CPNE4: variants seen among roughly 807,000 people sequenced by gnomAD.
The protein encoded by CPNE4 is copine 4, also known as copine-4.
Under a neutral mutation model 67.9 loss-of-function variants are expected in CPNE4, and 25 were observed. The observed-to-expected ratio is 0.37, with a 90% CI of 0.27 to 0.51. CPNE4 has a LOEUF of 0.51. Among genes scored for constraint, CPNE4 ranks in the 20% least tolerant of loss-of-function variants. The pLI is 0.93. For missense variants in CPNE4, 464 were observed against 690.8 expected (o/e 0.67, Z 3.68); for synonymous variants, 242 against 244.9 (o/e 0.99, Z 0.11).
Position 131,544,503 on chromosome 3 carries a change from C to G in CPNE4, c.1303-1710G>C, listed in dbSNP as rs147874765. 8.1e-3 allele frequency among the ~76,000 whole-genome samples: 1,226 copies of G among 152,284 alleles called. 16 individuals carry two copies. The highest frequency in any genetic ancestry group is 0.027 in the African/African-American group (1,138 of 41,552). ...CATTAACTAACCACTCACCCCTAGT[C>G]CTAGCTGAATTCCCAGTTTGGTTTT... On this transcript the variant is annotated intron_variant, in intron 14 of 15. Coordinates refer to ENST00000429747, the MANE Select transcript of CPNE4 (RefSeq NM_130808.3).
intron 2 of CPNE4, among the ~76,000 whole-genome samples, chr3:131,885,112 G>T (rs754453105): frequency 1.5e-4 from 23 of 152,208 alleles, no homozygotes; most frequent in Non-Finnish European, 2.6e-4. Flanking sequence ...ACTTTCTAGA[G>T]ACTTGTTGAA....
At chr3:132,031,065 T>TTC (rs548758816) in intron 1 of CPNE4, among the ~76,000 whole-genome samples, 197 of 152,314 alleles carry the variant, frequency 1.3e-3, no homozygotes, top group Non-Finnish European at 2.3e-3. Flanking sequence ...GAAAATATTA[T>TTC]AAGATTTTGG....
intron 2 of CPNE4, among the ~76,000 whole-genome samples, chr3:131,830,950 G>A (rs1019007107): frequency 6.6e-6 from 1 of 152,086 alleles, no homozygotes; most frequent in African/African-American, 2.4e-5. Flanking sequence ...GTTAACTTCA[G>A]TATGGAAACT....
chr3:131,599,184 T>C (rs933770170), intron 7 of CPNE4, among the ~76,000 whole-genome samples: 1 of 152,220 alleles, frequency 6.6e-6, no homozygotes, highest in Non-Finnish European at 1.5e-5. Flanking sequence ...AGTGACAACA[T>C]TTGACACAAA....
intron 2 of CPNE4, among the ~76,000 whole-genome samples, chr3:131,741,738 G>A (rs2082362022): frequency 6.6e-6 from 1 of 152,104 alleles, no homozygotes; most frequent in African/African-American, 2.4e-5. Flanking sequence ...AACAGTTGAG[G>A]CTCTTCTCTC....
chr3:132,024,970 G>C (rs1431663679), intron 1 of CPNE4, among the ~76,000 whole-genome samples: 2 of 152,082 alleles, frequency 1.3e-5, no homozygotes, highest in Non-Finnish European at 2.9e-5. Flanking sequence ...CAAACTAGTA[G>C]CATCAGTATC....
At chr3:131,766,712 G>A (rs144160641) in intron 2 of CPNE4, among the ~76,000 whole-genome samples, 212 of 152,094 alleles carry the variant, frequency 1.4e-3, no homozygotes, top group Middle Eastern at 0.014. Context: ...GGATACAGCC[G>A]TACAAAATGC....
At chr3:131,834,573 T>C (rs2085487511) in intron 2 of CPNE4, among the ~76,000 whole-genome samples, 1 of 151,894 alleles carries the variant, frequency 6.6e-6, no homozygotes, top group Admixed American at 6.6e-5. Flanking sequence ...CAATAACTAT[T>C]TGGAGAGAAA....
At position 132,001,913 on chromosome 3, in the gene CPNE4, T is replaced by C. The variant is rs185912313; in HGVS notation, c.-2+32654A>G. On this transcript the variant is annotated intron_variant, in intron 1 of 15. Coordinates refer to ENST00000429747, the MANE Select transcript of CPNE4 (RefSeq NM_130808.3). ...AACCAATATACAACAAAATTTCTTTTCCAACTTCCCTAGATCAGCTGCTGT... is the reference window on the plus strand; with the variant it reads ...AACCAATATACAACAAAATTTCTTTCCCAACTTCCCTAGATCAGCTGCTGT... 3.3e-5 allele frequency among the ~76,000 whole-genome samples: 5 copies of C among 152,260 alleles called. No homozygotes were observed. In the East Asian group the frequency reaches 9.6e-4, roughly 29 times the overall value.
At chr3:131,978,886 T>C (rs1315570704) in intron 1 of CPNE4, among the ~76,000 whole-genome samples, 1 of 151,846 alleles carries the variant, frequency 6.6e-6, no homozygotes, top group African/African-American at 2.4e-5. Flanking sequence ...TTTTGACAGA[T>C]TGTCATTATT....
intron 3 of CPNE4, among the ~76,000 whole-genome samples, chr3:131,716,932 C>A (rs2107733272): frequency 6.6e-6 from 1 of 152,348 alleles, no homozygotes; most frequent in East Asian, 1.9e-4. Flanking sequence ...AGACTCTGAC[C>A]CTGCCCTGCC....
chr3:131,867,959 G>A (rs1224856886), intron 2 of CPNE4, among the ~76,000 whole-genome samples: 1 of 152,108 alleles, frequency 6.6e-6, no homozygotes, highest in Non-Finnish European at 1.5e-5. Flanking sequence ...ATTGCTGTTT[G>A]AGAAATGGAC....
chr3:131,699,889 C>T lies in CPNE4; in HGVS notation c.432+20G>A. On this transcript the variant is annotated intron_variant, in intron 4 of 15. Transcript: ENST00000429747. The stretch of plus-strand genomic sequence containing the variant: ...GGCTCTCCACTCAGGCAGACAGCTG[C>T]TTAGGGAGTGCCTGCTTACCGTGAT... 1 of 1,609,534 alleles carries T rather than the reference C, an allele frequency of 6.2e-7. No individual in the cohort carries two copies. The highest frequency in any genetic ancestry group is 8.5e-7 in the Non-Finnish European group (1 of 1,176,596).
intron 2 of CPNE4, among the ~76,000 whole-genome samples, chr3:131,737,709 A>G (rs1353805874): frequency 1.3e-5 from 2 of 152,160 alleles, no homozygotes; most frequent in Admixed American, 1.3e-4. Flanking sequence ...TTGAAGCTAC[A>G]TAATAGCCCT....
chr3:131,821,726 A>T (rs1254917663), intron 2 of CPNE4, among the ~76,000 whole-genome samples: 1 of 152,226 alleles, frequency 6.6e-6, no homozygotes, highest in Non-Finnish European at 1.5e-5. Context: ...GTAAATTTCC[A>T]CACATATAAC....
intron 2 of CPNE4, among the ~76,000 whole-genome samples, chr3:131,842,730 TAAAAA>T (rs3041527): frequency 7.4e-5 from 9 of 121,840 alleles, no homozygotes; most frequent in East Asian, 2.4e-4. Flanking sequence ...TATTCTGTTG[TAAAAA>T]AAAAAAAAAA....
chr3:131,741,514 G>T (rs1194568517), intron 2 of CPNE4, among the ~76,000 whole-genome samples: 2 of 152,120 alleles, frequency 1.3e-5, no homozygotes, highest in Non-Finnish European at 2.9e-5. Context: ...GTGGGGTGAG[G>T]GTTGGGGGCA....
intron 7 of CPNE4, among the ~76,000 whole-genome samples, chr3:131,607,654 A>G (rs1475806175): frequency 6.6e-6 from 1 of 152,198 alleles, no homozygotes; most frequent in Non-Finnish European, 1.5e-5. Context: ...GTATTAATCC[A>G]TATAGTGGCA....
At chr3:131,954,642 C>T (rs916908123) in intron 1 of CPNE4, among the ~76,000 whole-genome samples, 2 of 152,128 alleles carry the variant, frequency 1.3e-5, no homozygotes, top group Non-Finnish European at 2.9e-5. Context: ...GCTATCCCTC[C>T]CACCTTCCCC....
Sources: gnomAD v4.1 joint callset for allele counts (sites outside exome capture counted in the v4.1 genomes callset) on GRCh38, gnomAD v4.1.1 for gene constraint, MANE v1.5 for transcripts, NCBI Gene and HGNC (gene_info 2026-07-23, HGNC 2026-07-21) for gene names.